The following TCF12 variants were observed in gnomAD, a reference collection of about 807,000 sequenced individuals.
TCF12 encodes the protein DNA-binding protein HTF4.
In TCF12, 45 loss-of-function variants were observed where a neutral mutation model predicts 86.0. The observed-to-expected ratio is 0.52, with a 90% confidence interval of 0.41 to 0.67. The LOEUF (loss-of-function observed/expected upper bound fraction) is 0.67, where lower values mean the gene tolerates loss of function less well. TCF12 is among the 30% of genes least tolerant of loss of function. The probability of loss-of-function intolerance (pLI) is 0.00; values close to 1 mark genes in which losing one functional copy is unlikely to be tolerated. For missense variants in TCF12, 881 were observed against 859.9 expected (o/e 1.02, Z -0.31); for synonymous variants, 330 against 299.6 (o/e 1.10, Z -1.05).
intron 8 of TCF12, among the ~76,000 whole-genome samples, chr15:57,203,928 A>T (rs961531079): frequency 6.6e-6 from 1 of 152,132 alleles, no homozygotes; most frequent in Non-Finnish European, 1.5e-5. Context: ...AAGTGGGAGG[A>T]TCACTTGAGC....
At chr15:57,052,689 C>G (rs2067722241) in intron 3 of TCF12, among the ~76,000 whole-genome samples, 1 of 150,972 alleles carries the variant, frequency 6.6e-6, no homozygotes, top group African/African-American at 2.4e-5. Flanking sequence ...TACTAGAAAA[C>G]TTGTCCTTAT....
intron 5 of TCF12, among the ~76,000 whole-genome samples, chr15:57,126,714 T>C (rs1268143557): frequency 6.6e-6 from 1 of 152,172 alleles, no homozygotes; most frequent in Non-Finnish European, 1.5e-5. Context: ...CTGATCTCCC[T>C]TAATATCTGG....
intron 3 of TCF12, among the ~76,000 whole-genome samples, chr15:57,062,592 C>T (rs530247940): frequency 6.6e-6 from 1 of 152,256 alleles, no homozygotes; most frequent in South Asian, 2.1e-4. Flanking sequence ...CTTTTTGTTA[C>T]CCATCCTTTC....
At chr15:57,089,448 AAAGTT>A (rs1339975044) in intron 4 of TCF12, among the ~76,000 whole-genome samples, 1 of 152,198 alleles carries the variant, frequency 6.6e-6, no homozygotes, top group African/African-American at 2.4e-5. Flanking sequence ...GAACAGCAAA[AAAGTT>A]AGGTTAGCAG....
intron 3 of TCF12, among the ~76,000 whole-genome samples, chr15:57,037,737 C>T (rs2733173): frequency 0.011 from 1,630 of 152,236 alleles, 32 homozygotes; most frequent in African/African-American, 0.037. Flanking sequence ...TACTGATTTC[C>T]GTTTCCTTTT....
At chr15:57,074,481 AAATGCCC>A (rs2069708100) in intron 4 of TCF12, among the ~76,000 whole-genome samples, 1 of 151,904 alleles carries the variant, frequency 6.6e-6, no homozygotes, top group African/African-American at 2.4e-5. Flanking sequence ...TAGGGTTTTT[AAATGCCC>A]AACAAGAAGT....
chr15:57,280,224 C>T (rs2061623582), intron 19 of TCF12, among the ~76,000 whole-genome samples: 1 of 122,010 alleles, frequency 8.2e-6, no homozygotes. Flanking sequence ...TGATGAAGGA[C>T]GAACTCTTAT....
At chr15:57,196,328 A>G (rs1277878214) in intron 7 of TCF12, among the ~76,000 whole-genome samples, 2 of 152,220 alleles carry the variant, frequency 1.3e-5, no homozygotes, top group Non-Finnish European at 2.9e-5. Context: ...TAAAGTATGT[A>G]AGAGGATATG....
chr15:57,109,823 T>C (rs1383291916), intron 5 of TCF12, among the ~76,000 whole-genome samples: 5 of 152,194 alleles, frequency 3.3e-5, no homozygotes, highest in Non-Finnish European at 7.3e-5. Flanking sequence ...TAAATCACAG[T>C]TGTATTAAGT....
intron 18 of TCF12, among the ~76,000 whole-genome samples, chr15:57,268,447 G>C (rs1364304620): frequency 6.6e-6 from 1 of 152,146 alleles, no homozygotes; most frequent in Non-Finnish European, 1.5e-5. Flanking sequence ...CCAGGCTGGA[G>C]TGCAGTGGAC....
intron 3 of TCF12, among the ~76,000 whole-genome samples, chr15:56,993,296 G>C (rs768784776): frequency 2.0e-5 from 3 of 152,156 alleles, no homozygotes; most frequent in Non-Finnish European, 4.4e-5. Context: ...CAACCGTGTG[G>C]TAATGGCAGC....
intron 16 of TCF12, 49 bp downstream of exon 16, chr15:57,253,517 C>G (rs1437518670): frequency 6.3e-7 from 1 of 1,586,634 alleles, no homozygotes; most frequent in Non-Finnish European, 8.6e-7. Context: ...GATTCTTGTC[C>G]TAAATGTCTT....
chr15:56,979,347 T>A (rs2062774138), intron 3 of TCF12, among the ~76,000 whole-genome samples: 1 of 152,166 alleles, frequency 6.6e-6, no homozygotes, highest in Non-Finnish European at 1.5e-5. Flanking sequence ...TTAAAATATC[T>A]CTCCCATTGA....
intron 3 of TCF12, among the ~76,000 whole-genome samples, chr15:56,993,765 A>G (rs752997504): frequency 1.3e-5 from 2 of 152,340 alleles, no homozygotes; most frequent in East Asian, 3.9e-4. Context: ...CAAATGAATC[A>G]CTTGTTAAAA....
chr15:57,179,461 CAG>C (rs1477189381), intron 6 of TCF12, among the ~76,000 whole-genome samples: 1 of 152,138 alleles, frequency 6.6e-6, no homozygotes, highest in African/African-American at 2.4e-5. Context: ...GCCTGGGAGA[CAG>C]AGGCTGCACT....
At chr15:57,121,594 C>T (rs2051237131) in intron 5 of TCF12, among the ~76,000 whole-genome samples, 1 of 152,150 alleles carries the variant, frequency 6.6e-6, no homozygotes, top group Non-Finnish European at 1.5e-5. Context: ...TATCTCTTGC[C>T]CTTCTGCCAT....
At chr15:57,221,383 G>GATGTGT in intron 8 of TCF12, among the ~76,000 whole-genome samples, 1 of 148,744 alleles carries the variant, frequency 6.7e-6, no homozygotes, top group South Asian at 2.1e-4. Context: ...ATGTGTGTGG[G>GATGTGT]GTGTGTGTGT....
rs191826095 is a variant in TCF12, at chr15:56,927,772, A to G, written c.148+6674A>G. Reference sequence around the variant, plus strand: ...AATGAATTCCCTTAGGGAAATGAACACAGAGGGAGATAAATTATCAGGCCA... The same window carrying G: ...AATGAATTCCCTTAGGGAAATGAACGCAGAGGGAGATAAATTATCAGGCCA... On this transcript the variant is annotated intron_variant, in intron 3 of 20. Coordinates refer to ENST00000333725, the MANE Select transcript of TCF12 (RefSeq NM_207037.2). Among the ~76,000 whole-genome samples the G allele has an allele frequency of 4.6e-5, 7 of 152,376 alleles. No individual in the cohort carries two copies. In the East Asian group the frequency reaches 9.6e-4, roughly 21 times the overall value.
At chr15:56,942,304 G>A (rs1181116636) in intron 3 of TCF12, among the ~76,000 whole-genome samples, 1 of 152,124 alleles carries the variant, frequency 6.6e-6, no homozygotes, top group Non-Finnish European at 1.5e-5. Flanking sequence ...GCCACTTTTT[G>A]GTGAAGATAC....
Sources: allele counts gnomAD v4.1 joint callset (sites outside exome capture counted in the v4.1 genomes callset), GRCh38; gene constraint gnomAD v4.1.1; transcripts MANE v1.5; gene names NCBI Gene and HGNC (gene_info 2026-07-23, HGNC 2026-07-21).